The following ADCY1 variants were observed in gnomAD, a reference collection of about 807,000 sequenced individuals.
The protein encoded by ADCY1 is adenylate cyclase 1.
In ADCY1, 28 loss-of-function variants were observed where a neutral mutation model predicts 105.4. That is an observed-to-expected ratio of 0.27 (90% CI 0.20 to 0.36). The LOEUF is 0.36. Ranked by LOEUF, ADCY1 falls within the 10% of genes least tolerant of loss-of-function variation. ADCY1 has a pLI of 1.00. For synonymous variants in ADCY1, 655 were observed against 623.8 expected, an observed-to-expected ratio of 1.05 and a Z score of -0.75; for missense variants, 977 against 1,434.2, an observed-to-expected ratio of 0.68 and a Z score of 5.15.
At chr7:45,677,448 T>G (rs1244113134) in intron 8 of ADCY1, among the ~76,000 whole-genome samples, 1 of 152,196 alleles carries the variant, frequency 6.6e-6, no homozygotes, top group Non-Finnish European at 1.5e-5. Flanking sequence ...AGTGAGAGAC[T>G]GGTGAAGCCA....
intron 14 of ADCY1, among the ~76,000 whole-genome samples, chr7:45,695,877 A>G (rs1228014387): frequency 6.6e-6 from 1 of 152,240 alleles, no homozygotes; most frequent in Non-Finnish European, 1.5e-5. Context: ...TTGCTAATCT[A>G]TGACCAGCCT....
At chr7:45,617,200 G>A (rs1016528425) in intron 3 of ADCY1, among the ~76,000 whole-genome samples, 3 of 152,210 alleles carry the variant, frequency 2.0e-5, no homozygotes, top group Non-Finnish European at 4.4e-5. Context: ...TTTGCTTGTG[G>A]AACTGGAGCA....
intron 2 of ADCY1, among the ~76,000 whole-genome samples, chr7:45,608,056 C>T (rs768319185): frequency 6.6e-6 from 1 of 152,210 alleles, no homozygotes; most frequent in African/African-American, 2.4e-5. Flanking sequence ...CGTTTCCCAC[C>T]AGCAGTGTAT....
In ADCY1 at chr7:45,630,683, A is replaced by G. The variant is rs190962997; in HGVS notation, c.1020+7940A>G. 2.4e-3 allele frequency among the ~76,000 whole-genome samples: 370 copies of G among 151,174 alleles called. 2 individuals are homozygous for G. The highest frequency in any genetic ancestry group is 8.3e-3 in the African/African-American group (342 of 41,104). ...TCCCTCTCTCTTTCCCTTTTTCTGT[A>G]TGTGTGTAAAATTTCCTCCTGCCTC... On this transcript the variant is annotated intron_variant, in intron 4 of 19. Transcript: ENST00000297323.
At chr7:45,620,096 A>C (rs1052414689) in intron 3 of ADCY1, among the ~76,000 whole-genome samples, 3 of 152,270 alleles carry the variant, frequency 2.0e-5, no homozygotes, top group Admixed American at 6.5e-5. Context: ...ATGTGACAAA[A>C]TAGATGAAAC....
At chr7:45,633,150 T>G (rs12113182) in intron 4 of ADCY1, among the ~76,000 whole-genome samples, 1,886 of 152,318 alleles carry the variant, frequency 0.012, 33 homozygotes, top group African/African-American at 0.043. Context: ...ACTCCTGGCC[T>G]CAAGTGATCC....
intron 8 of ADCY1, among the ~76,000 whole-genome samples, chr7:45,670,276 G>A (rs181826348): frequency 6.3e-4 from 96 of 152,282 alleles, no homozygotes; most frequent in Middle Eastern, 3.4e-3. Flanking sequence ...CTGAAGGACG[G>A]CTACCTTCCT....
At chr7:45,644,410 T>G (rs935628711) in intron 4 of ADCY1, among the ~76,000 whole-genome samples, 1 of 152,228 alleles carries the variant, frequency 6.6e-6, no homozygotes, top group Non-Finnish European at 1.5e-5. Flanking sequence ...TAGACCCTTC[T>G]CTGTGGCTGC....
intron 2 of ADCY1, among the ~76,000 whole-genome samples, chr7:45,609,991 A>G (rs558433125): frequency 2.6e-5 from 4 of 152,316 alleles, no homozygotes; most frequent in Non-Finnish European, 2.9e-5. Flanking sequence ...TCAGGAGGAC[A>G]GCTTGTTTTT....
intron 14 of ADCY1, among the ~76,000 whole-genome samples, chr7:45,687,571 C>G (rs963723303): frequency 1.3e-5 from 2 of 152,218 alleles, no homozygotes; most frequent in Admixed American, 1.3e-4. Context: ...TAGGTTTCCT[C>G]CCCTGAAAAC....
At chr7:45,576,239 A>G (rs1447362699) in intron 1 of ADCY1, among the ~76,000 whole-genome samples, 1 of 152,156 alleles carries the variant, frequency 6.6e-6, no homozygotes, top group Non-Finnish European at 1.5e-5. Context: ...TTAGGGAAGA[A>G]TAACTGGGGG....
intron 3 of ADCY1, among the ~76,000 whole-genome samples, chr7:45,615,085 A>T (rs1240514010): frequency 6.6e-6 from 1 of 152,224 alleles, no homozygotes; most frequent in Non-Finnish European, 1.5e-5. Flanking sequence ...CATTCTTCTC[A>T]AGTGCACATG....
chr7:45,629,433 A>G (rs988079189), intron 4 of ADCY1, among the ~76,000 whole-genome samples: 2 of 151,782 alleles, frequency 1.3e-5, no homozygotes, highest in Non-Finnish European at 2.9e-5. Context: ...GTACAAGTCT[A>G]TGTATGGGTA....
intron 4 of ADCY1, among the ~76,000 whole-genome samples, chr7:45,638,638 G>GT (rs760204522): frequency 1.1e-4 from 16 of 152,140 alleles, no homozygotes; most frequent in Non-Finnish European, 1.9e-4. Flanking sequence ...GGTCTTGTGT[G>GT]TGAGTCCCTG....
intron 3 of ADCY1, among the ~76,000 whole-genome samples, chr7:45,616,994 A>G (rs1793756406): frequency 6.6e-6 from 1 of 152,194 alleles, no homozygotes. Flanking sequence ...CAAGTTTTGA[A>G]TCCATCTTAG....
chr7:45,721,308 TACTA>T lies in ADCY1; in HGVS notation c.*7317_*7320del, dbSNP rs1785467297. On this transcript the variant is annotated 3_prime_UTR_variant, in exon 20 of 20. Coordinates refer to ENST00000297323, the MANE Select transcript of ADCY1 (RefSeq NM_021116.4). The stretch of plus-strand genomic sequence containing the variant: ...TGGGTAAGAGGAATTCCTCCTTCTT[TACTA>T]ACTGATCCCCAGCAAGGAAATAAAA... 5.8e-6 allele frequency: 1 copy of T among 171,520 alleles called. No homozygotes were observed. The highest frequency in any genetic ancestry group is 2.0e-4 in the South Asian group (1 of 4,990). The allele number at this position is 171,520 out of a possible 1,614,324, so 10.6% of individuals were successfully genotyped here. A position where few individuals can be genotyped will look rare whatever the true frequency, so the allele number is the denominator to read the frequency against.
At chr7:45,582,212 T>C (rs1792571588) in intron 1 of ADCY1, among the ~76,000 whole-genome samples, 1 of 152,192 alleles carries the variant, frequency 6.6e-6, no homozygotes, top group Non-Finnish European at 1.5e-5. Context: ...CTGTTACTAA[T>C]ATGTGGGTCT....
At chr7:45,671,530 A>G (rs1407419704) in intron 8 of ADCY1, among the ~76,000 whole-genome samples, 1 of 152,042 alleles carries the variant, frequency 6.6e-6, no homozygotes, top group Admixed American at 6.6e-5. Context: ...TTATATCCCC[A>G]TCCCCAGTGT....
chr7:45,701,926 C>T (rs17172602), intron 14 of ADCY1, among the ~76,000 whole-genome samples: 28,250 of 152,070 alleles, frequency 0.19, 2,873 homozygotes, highest in African/African-American at 0.27. Flanking sequence ...TTCTGGTCTA[C>T]GCTCCTTAAG....
Sources: allele counts gnomAD v4.1 joint callset (sites outside exome capture counted in the v4.1 genomes callset), GRCh38; gene constraint gnomAD v4.1.1; transcripts MANE v1.5; gene names NCBI Gene and HGNC (gene_info 2026-07-23, HGNC 2026-07-21).